Variants in FHIT observed in about 807,000 individuals in gnomAD.
FHIT encodes the protein bis(5'-adenosyl)-triphosphatase.
In FHIT, 19 loss-of-function variants were observed where a neutral mutation model predicts 17.9. The observed-to-expected ratio is 1.06, with a 90% CI of 0.74 to 1.56. FHIT has a LOEUF of 1.56. FHIT is among the 40% of genes most tolerant of loss of function. FHIT has a pLI of 0.00. For missense variants in FHIT, 248 were observed against 189.2 expected (o/e 1.31, Z -1.82); for synonymous variants, 81 against 69.7 (o/e 1.16, Z -0.81).
chr3:60,142,682 C>CT (rs1299728953), intron 5 of FHIT, among the ~76,000 whole-genome samples: 38 of 138,952 alleles, frequency 2.7e-4, no homozygotes, highest in Middle Eastern at 3.8e-3. Flanking sequence ...TTTTGCGTTT[C>CT]TTTTTTTTTT....
At chr3:60,922,957 A>G (rs72889183) in intron 3 of FHIT, among the ~76,000 whole-genome samples, 5,270 of 152,362 alleles carry the variant, frequency 0.035, 308 homozygotes, top group African/African-American at 0.12. Flanking sequence ...ACACTTGATC[A>G]TTAAAAATAA....
At chr3:60,689,372 C>T (rs2040935851) in intron 4 of FHIT, among the ~76,000 whole-genome samples, 1 of 152,258 alleles carries the variant, frequency 6.6e-6, no homozygotes, top group South Asian at 2.1e-4. Flanking sequence ...ATTTTATTGT[C>T]ATTATTCCCT....
chr3:60,043,954 G>C (rs759079657), intron 5 of FHIT, among the ~76,000 whole-genome samples: 1 of 152,146 alleles, frequency 6.6e-6, no homozygotes, highest in Non-Finnish European at 1.5e-5. Flanking sequence ...ACAGGCCAAC[G>C]TGGTGAGTGA....
intron 3 of FHIT, among the ~76,000 whole-genome samples, chr3:60,968,916 C>A (rs908066555): frequency 1.2e-4 from 18 of 152,044 alleles, no homozygotes; most frequent in Non-Finnish European, 2.1e-4. Context: ...CTGGAACAAA[C>A]CCAACTTGAT....
intron 4 of FHIT, among the ~76,000 whole-genome samples, chr3:60,816,760 G>A (rs1212956745): frequency 6.6e-6 from 1 of 151,868 alleles, no homozygotes; most frequent in Non-Finnish European, 1.5e-5. Context: ...AGTTTGGGAG[G>A]AGTTGCTCCT....
intron 5 of FHIT, among the ~76,000 whole-genome samples, chr3:60,229,424 G>GAAAAAAAAAAA (rs796109235): frequency 4.2e-5 from 3 of 71,012 alleles, no homozygotes; most frequent in Non-Finnish European, 6.5e-5. Flanking sequence ...TCATCAAAAA[G>GAAAAAAAAAAA]AAAAAAAAAA....
chr3:60,181,169 CTG>C, intron 5 of FHIT, among the ~76,000 whole-genome samples: 1 of 120,712 alleles, frequency 8.3e-6, no homozygotes, highest in Admixed American at 9.3e-5. Flanking sequence ...TTTTTTGAGA[CTG>C]AGTCTCACTC....
chr3:60,341,988 G>A (rs1213059817), intron 5 of FHIT, among the ~76,000 whole-genome samples: 4 of 151,860 alleles, frequency 2.6e-5, no homozygotes, highest in Non-Finnish European at 5.9e-5. Context: ...TTTATTGGGT[G>A]AAAAAGAAAA....
chr3:60,264,389 AG>A (rs10716376), intron 5 of FHIT, among the ~76,000 whole-genome samples: 152,050 of 152,050 alleles, frequency 1, 76,025 homozygotes, highest in Non-Finnish European at 1. Flanking sequence ...ACATATAACA[AG>A]GACCAGTAGC....
intron 2 of FHIT, among the ~76,000 whole-genome samples, chr3:61,046,713 C>A (rs992602487): frequency 6.6e-6 from 1 of 152,110 alleles, no homozygotes; most frequent in Admixed American, 6.5e-5. Flanking sequence ...AGACCAATAC[C>A]CCTGATGAAC....
chr3:60,426,916 C>G (rs185754811), intron 5 of FHIT, among the ~76,000 whole-genome samples: 1 of 152,224 alleles, frequency 6.6e-6, no homozygotes, highest in East Asian at 1.9e-4. Flanking sequence ...ATTCCTCCCT[C>G]TTAAGTATGG....
intron 1 of FHIT, among the ~76,000 whole-genome samples, chr3:61,210,507 A>G (rs1339828924): frequency 1.3e-5 from 2 of 152,162 alleles, no homozygotes; most frequent in African/African-American, 2.4e-5. Flanking sequence ...TGGCAATGGC[A>G]GGCGCCCCTC....
intron 8 of FHIT, among the ~76,000 whole-genome samples, chr3:59,855,950 T>A (rs1383582284): frequency 1.3e-5 from 2 of 151,740 alleles, no homozygotes; most frequent in Non-Finnish European, 2.9e-5. Context: ...CCGGCTAATT[T>A]TTTTGTATTT....
chr3:60,662,945 T>C (rs1227196521), intron 4 of FHIT, among the ~76,000 whole-genome samples: 1 of 151,712 alleles, frequency 6.6e-6, no homozygotes, highest in Admixed American at 6.6e-5. Flanking sequence ...TCATTTTTTT[T>C]CCCAATGGAT....
At chr3:61,101,112 T>C (rs1253217032) in intron 2 of FHIT, among the ~76,000 whole-genome samples, 1 of 152,218 alleles carries the variant, frequency 6.6e-6, no homozygotes, top group Non-Finnish European at 1.5e-5. Flanking sequence ...GCTTTTGGTG[T>C]TTTAGTCATG....
At chr3:60,989,573 T>A (rs2030001521) in intron 3 of FHIT, among the ~76,000 whole-genome samples, 1 of 152,202 alleles carries the variant, frequency 6.6e-6, no homozygotes, top group East Asian at 1.9e-4. Flanking sequence ...CGTTGTCAAC[T>A]GAAGTTAGAA....
At chr3:61,197,653 T>C (rs2038892006) in intron 2 of FHIT, among the ~76,000 whole-genome samples, 1 of 152,132 alleles carries the variant, frequency 6.6e-6, no homozygotes, top group Non-Finnish European at 1.5e-5. Flanking sequence ...GAAAAGAAGG[T>C]GCTCAGTAGG....
intron 8 of FHIT, among the ~76,000 whole-genome samples, chr3:59,774,732 T>G (rs1702227330): frequency 6.6e-6 from 1 of 152,200 alleles, no homozygotes; most frequent in Non-Finnish European, 1.5e-5. Context: ...TCCAGCTGTT[T>G]AAGCACAGTT....
At position 59,922,343 on chromosome 3, in the gene FHIT, C is replaced by T. The variant is rs1705445741; in HGVS notation, c.348+3G>A. The T allele has an allele frequency of 1.2e-6, 2 of 1,612,386 alleles. No homozygotes were observed. The highest frequency in any genetic ancestry group is 3.3e-5 in the Admixed American group (2 of 59,978). On this transcript the variant is annotated splice_donor_region_variant and intron_variant, in intron 8 of 9. Transcript: ENST00000492590. ...ACAATAAGATCAGAGAGAACAGACCCACCTCCTCATAGATGCTGTCATTCC... is the reference window on the plus strand; with the variant it reads ...ACAATAAGATCAGAGAGAACAGACCTACCTCCTCATAGATGCTGTCATTCC...
Sources: allele counts gnomAD v4.1 joint callset (sites outside exome capture counted in the v4.1 genomes callset), GRCh38; gene constraint gnomAD v4.1.1; transcripts MANE v1.5; gene names NCBI Gene and HGNC (gene_info 2026-07-23, HGNC 2026-07-21).